DYM: variants seen among roughly 807,000 people sequenced by gnomAD.
The protein encoded by DYM is dymeclin.
A neutral mutation model predicts 93.1 loss-of-function variants in DYM; 78 were observed. That is an observed-to-expected ratio of 0.84 (90% CI 0.70 to 1.01). DYM has a LOEUF of 1.01. Ranked by LOEUF, DYM falls within the 50% of genes least tolerant of loss-of-function variation. The pLI, the probability that DYM is intolerant of heterozygous loss-of-function variation, is 0.00. For missense variants in DYM, 789 were observed against 845.0 expected, an observed-to-expected ratio of 0.93 and a Z score of 0.82; for synonymous variants, 321 against 319.7, an observed-to-expected ratio of 1.00 and a Z score of -0.04.
At position 49,390,318 on chromosome 18, in the gene DYM, T is replaced by C. The variant is rs536935700; in HGVS notation, c.193+1275A>G. 2.6e-4 allele frequency among the ~76,000 whole-genome samples: 40 copies of C among 152,148 alleles called. No homozygotes were observed. The South Asian group carries it at 4.0e-3, about 15-fold the overall frequency. On this transcript the variant is annotated intron_variant, in intron 3 of 17. Coordinates refer to ENST00000675505, the MANE Select transcript of DYM (RefSeq NM_001353214.3). Reference sequence around the variant, plus strand: ...GGTGCCATGCACCTATAGCCCCAGCTTCTGAGGAGGCTGAGGTGGAAGGAT... The same window carrying C: ...GGTGCCATGCACCTATAGCCCCAGCCTCTGAGGAGGCTGAGGTGGAAGGAT...
chr18:49,133,015 G>A (rs889876631), intron 15 of DYM, among the ~76,000 whole-genome samples: 3 of 152,084 alleles, frequency 2.0e-5, no homozygotes, highest in Non-Finnish European at 2.9e-5. Flanking sequence ...CAACTTTGCT[G>A]GTAGTTAAAC....
chr18:49,437,990 T>C (rs1163484801), intron 1 of DYM, among the ~76,000 whole-genome samples: 1 of 151,846 alleles, frequency 6.6e-6, no homozygotes, highest in Non-Finnish European at 1.5e-5. Flanking sequence ...AGCCCAGGAG[T>C]ACGAGGCCAG....
chr18:49,144,696 A>C (rs975733008), intron 15 of DYM, among the ~76,000 whole-genome samples: 1 of 152,180 alleles, frequency 6.6e-6, no homozygotes, highest in African/African-American at 2.4e-5. Flanking sequence ...TTAAAACAAC[A>C]AAAGCATAAG....
At chr18:49,393,303 G>GTAATTA (rs1287052003) in intron 2 of DYM, among the ~76,000 whole-genome samples, 8 of 152,084 alleles carry the variant, frequency 5.3e-5, no homozygotes, top group Non-Finnish European at 5.9e-5. Context: ...TTACCATCCG[G>GTAATTA]GTAGATACCC....
chr18:49,196,904 C>A (rs1294795998), intron 14 of DYM, among the ~76,000 whole-genome samples: 1 of 151,952 alleles, frequency 6.6e-6, no homozygotes, highest in Non-Finnish European at 1.5e-5. Context: ...ACTGTCTGAG[C>A]TAGGGTGACT....
At chr18:49,402,609 A>C (rs1355934186) in intron 2 of DYM, among the ~76,000 whole-genome samples, 1 of 152,228 alleles carries the variant, frequency 6.6e-6, no homozygotes. Flanking sequence ...ATCTTTAAAA[A>C]TTCTTGTTTA....
At position 49,310,682 on chromosome 18, in the gene DYM, T is replaced by C. The variant is rs183569153; in HGVS notation, c.763+21182A>G. Among the ~76,000 whole-genome samples the C allele has an allele frequency of 8.0e-4, 122 of 152,326 alleles. 1 individual carries two copies. Among genetic ancestry groups the C allele is most frequent in the African/African-American group, 2.7e-3 (113 of 41,570 alleles). On this transcript the variant is annotated intron_variant, in intron 8 of 17. Coordinates refer to ENST00000675505, the MANE Select transcript of DYM (RefSeq NM_001353214.3). ...CTGTATTTTCCAGGCCATTTCACTTTGTTGCTAAAATGTTCCTCTATATTA... is the reference window on the plus strand; with the variant it reads ...CTGTATTTTCCAGGCCATTTCACTTCGTTGCTAAAATGTTCCTCTATATTA...
intron 6 of DYM, among the ~76,000 whole-genome samples, chr18:49,336,094 A>G (rs768233516): frequency 2.0e-5 from 3 of 152,194 alleles, no homozygotes; most frequent in Non-Finnish European, 4.4e-5. Context: ...GATTACAGGC[A>G]TGAGCCATCG....
chr18:49,093,190 A>T (rs1599693110), intron 17 of DYM: 1 of 152,324 alleles, frequency 6.6e-6, no homozygotes, highest in South Asian at 2.1e-4. Context: ...TGGGCTTCAT[A>T]GAAAGCGGGG....
intron 1 of DYM, among the ~76,000 whole-genome samples, chr18:49,452,022 A>G (rs1390357082): frequency 6.6e-6 from 1 of 152,228 alleles, no homozygotes. Context: ...TACTCACTCT[A>G]CTATTTGCAG....
intron 13 of DYM, among the ~76,000 whole-genome samples, chr18:49,234,828 C>G (rs554569372): frequency 1.6e-4 from 24 of 152,162 alleles, no homozygotes; most frequent in Non-Finnish European, 2.9e-4. Flanking sequence ...TGTCTGGAGT[C>G]AGAGACATGT....
At chr18:49,059,845 A>G (rs773897671) in intron 17 of DYM, among the ~76,000 whole-genome samples, 11 of 152,108 alleles carry the variant, frequency 7.2e-5, no homozygotes, top group Non-Finnish European at 1.6e-4. Flanking sequence ...CATTTAAGCT[A>G]CCCCAACTTC....
chr18:49,391,724 A>G lies in DYM; in HGVS notation c.141-79T>C, dbSNP rs537586866. 19 of 1,226,308 alleles carry G rather than the reference A, an allele frequency of 1.5e-5. No homozygotes were observed. The African/African-American group carries it at 2.4e-4, about 16-fold the overall frequency. 76.0% of individuals were successfully genotyped at this position (1,226,308 alleles called of 1,614,324 possible). A position where few individuals can be genotyped will look rare whatever the true frequency, so the allele number is the denominator to read the frequency against. ...ATGCTAATCAGTTAAAGAAATATAT[A>G]AAGATAAGAAAAATAATTTAGAAGA... On this transcript the variant is annotated intron_variant, in intron 2 of 17. Coordinates refer to ENST00000675505, the MANE Select transcript of DYM (RefSeq NM_001353214.3).
chr18:49,335,192 G>A (rs963475727), intron 6 of DYM, among the ~76,000 whole-genome samples: 10 of 152,148 alleles, frequency 6.6e-5, no homozygotes, highest in African/African-American at 4.8e-5. Context: ...CACGCAATTA[G>A]CCTTATTACG....
Position 49,217,018 on chromosome 18 carries a change from C to T in DYM, c.1461-7303G>A, listed in dbSNP as rs529193735. 4.6e-5 allele frequency among the ~76,000 whole-genome samples: 7 copies of T among 152,174 alleles called. No homozygotes were observed. The East Asian group carries it at 5.8e-4, about 13-fold the overall frequency. ...TTAAATACTTCGAAAAAAATTTAGA[C>T]GAATGTATAACTAGAATAATCAATA... On this transcript the variant is annotated intron_variant, in intron 13 of 17. Coordinates refer to ENST00000675505, the MANE Select transcript of DYM (RefSeq NM_001353214.3).
intron 1 of DYM, among the ~76,000 whole-genome samples, chr18:49,434,608 T>A: frequency 6.6e-6 from 1 of 152,128 alleles, no homozygotes; most frequent in East Asian, 1.9e-4. Context: ...CAGTTTTTTA[T>A]ATTAAGTTTG....
chr18:49,180,702 G>C (rs1224104490), intron 14 of DYM, among the ~76,000 whole-genome samples: 1 of 152,060 alleles, frequency 6.6e-6, no homozygotes, highest in Non-Finnish European at 1.5e-5. Flanking sequence ...GGCTAATTCA[G>C]ACACATTTGT....
At position 49,145,123 on chromosome 18, in the gene DYM, ATATATATATAT is replaced by A. The variant is rs1568490379; in HGVS notation, c.1728+18551_1728+18561del. Among the ~76,000 whole-genome samples, 30 of 111,356 alleles carry A rather than the reference ATATATATATAT, an allele frequency of 2.7e-4. 2 individuals carry two copies. In the South Asian group the frequency reaches 7.8e-3, roughly 29 times the overall value. 73.1% of individuals were successfully genotyped at this position (111,356 alleles called of 152,430 possible). A position where few individuals can be genotyped will look rare whatever the true frequency, so the allele number is the denominator to read the frequency against. On this transcript the variant is annotated intron_variant, in intron 15 of 17. Coordinates refer to ENST00000675505, the MANE Select transcript of DYM (RefSeq NM_001353214.3). ...CAAAAAAATTCATATATATATATATATATATATATATAATTTATATATATAATATACAAATA... is the reference window on the plus strand; with the variant it reads ...CAAAAAAATTCATATATATATATATAAATTTATATATATAATATACAAATA...
chr18:49,440,878 TA>T (rs1184524095), intron 1 of DYM, among the ~76,000 whole-genome samples: 21 of 326 alleles, frequency 0.064, 2 homozygotes, highest in Middle Eastern at 0.5. Flanking sequence ...ATATAATATA[TA>T]TTATATATAT....
Sources: allele counts gnomAD v4.1 joint callset (sites outside exome capture counted in the v4.1 genomes callset), GRCh38; gene constraint gnomAD v4.1.1; transcripts MANE v1.5; gene names NCBI Gene and HGNC (gene_info 2026-07-23, HGNC 2026-07-21).